Variants in EPRS1 observed in about 807,000 individuals in gnomAD.
EPRS1 encodes the protein glutamyl-prolyl-tRNA synthetase 1.
EPRS1 carries 107 observed loss-of-function variants against 188.3 expected under a neutral mutation model. That is an observed-to-expected ratio of 0.57 (90% CI 0.49 to 0.67). The LOEUF is 0.67. Ranked by LOEUF, EPRS1 falls within the 30% of genes least tolerant of loss-of-function variation. The pLI, the probability that EPRS1 is intolerant of heterozygous loss-of-function variation, is 0.00. For synonymous variants in EPRS1, 596 were observed against 593.1 expected (o/e 1.00, Z -0.07); for missense variants, 1,577 against 1,802.2 (o/e 0.88, Z 2.26).
intron 6 of EPRS1, among the ~76,000 whole-genome samples, 161 bp from the exon 7 acceptor site, chr1:220,025,419 C>A (rs1441630504): frequency 1.5e-5 from 1 of 65,802 alleles, no homozygotes; most frequent in East Asian, 5.2e-4. Context: ...GAAAATCTGA[C>A]CCTGACAGGA....
chr1:219,995,863 T>C (rs908695315), intron 18 of EPRS1, among the ~76,000 whole-genome samples: 2 of 152,156 alleles, frequency 1.3e-5, no homozygotes, highest in Non-Finnish European at 2.9e-5. Flanking sequence ...TACTGAATTC[T>C]CCAGCCTGAG....
rs182399399 is a variant in EPRS1, at chr1:219,982,876, T to C, written c.3301-32A>G. The C allele has an allele frequency of 9.5e-3, 15,030 of 1,588,832 alleles. 107 individuals are homozygous for C. Among genetic ancestry groups the C allele is most frequent in the Non-Finnish European group, 0.01 (11,808 of 1,157,164 alleles). Reference sequence around the variant, plus strand: ...AGAAAAAATCATTTTTCATACTTTTTTTTCAATAGCATTTTGGAGCAACAG... The same window carrying C: ...AGAAAAAATCATTTTTCATACTTTTCTTTCAATAGCATTTTGGAGCAACAG... On this transcript the variant is annotated intron_variant, in intron 22 of 31. Coordinates refer to ENST00000366923, the MANE Select transcript of EPRS1 (RefSeq NM_004446.3).
At chr1:220,018,583 A>T in intron 11 of EPRS1, 75 bp from the exon 12 acceptor site, 6 of 714,266 alleles carry the variant, frequency 8.4e-6, no homozygotes, top group Non-Finnish European at 1.3e-5. Context: ...CATGCTAAGC[A>T]TGTTTAGAAA....
At chr1:220,002,977 T>C (rs1231985879) in intron 16 of EPRS1, among the ~76,000 whole-genome samples, 1 of 152,250 alleles carries the variant, frequency 6.6e-6, no homozygotes, top group Admixed American at 6.5e-5. Flanking sequence ...CATGTTATTT[T>C]TCTTTGGCAA....
chr1:219,985,230 A>G (rs924283968), intron 20 of EPRS1, among the ~76,000 whole-genome samples: 8 of 152,210 alleles, frequency 5.3e-5, no homozygotes, highest in African/African-American at 1.7e-4. Context: ...GCCTGTTCAC[A>G]CCTATTCTCC....
intron 1 of EPRS1, among the ~76,000 whole-genome samples, chr1:220,045,951 A>C (rs1282860466): frequency 6.6e-6 from 1 of 152,232 alleles, no homozygotes; most frequent in African/African-American, 2.4e-5. Flanking sequence ...AAAAATGCTA[A>C]AAGAGAAGCG....
intron 18 of EPRS1, among the ~76,000 whole-genome samples, chr1:219,994,636 T>A (rs1039917485): frequency 2.4e-5 from 3 of 125,732 alleles, no homozygotes; most frequent in African/African-American, 9.5e-5. Context: ...CGTGGTAACT[T>A]CTTCTTTTTT....
intron 30 of EPRS1, 98 bp from the exon 31 acceptor site, chr1:219,969,220 A>T: frequency 1.2e-6 from 1 of 859,910 alleles, no homozygotes; most frequent in Non-Finnish European, 1.9e-6. Context: ...GCAAGCAAAA[A>T]GGATAGGTCT....
rs1662124750 is a variant in EPRS1, at chr1:220,033,603, G to A, written c.287C>T (p.Thr96Ile). 2 of 1,608,398 alleles carry A rather than the reference G, an allele frequency of 1.2e-6. No homozygotes were observed. Among genetic ancestry groups the A allele is most frequent in the East Asian group, 4.5e-5 (2 of 44,784 alleles). Residue 96 changes from threonine to isoleucine, a missense_variant, in exon 4 of 32, where the codon ACT (threonine) becomes ATT (isoleucine). Coordinates refer to ENST00000366923, the MANE Select transcript of EPRS1 (RefSeq NM_004446.3). ...ATKLSSCDSFTSTINELNHCL... is the reference protein window; with the variant it reads ...ATKLSSCDSFISTINELNHCL... Reference sequence around the variant, plus strand: ...ATGATTGAGTTCATTAATTGTAGAAGTAAAGGAATCACATGAAGATAATTT... The same window carrying A: ...ATGATTGAGTTCATTAATTGTAGAAATAAAGGAATCACATGAAGATAATTT...
At position 220,019,093 on chromosome 1, in the gene EPRS1, A is replaced by C. The variant is rs1661804016; in HGVS notation, c.1350-14T>G. 3.2e-6 allele frequency: 5 copies of C among 1,555,456 alleles called. No individual in the cohort carries two copies. In the East Asian group the frequency reaches 1.1e-4, roughly 35 times the overall value. ...CTTGGGTCATCCCTGGAAATATGTAAATTTTAAGTACCAAGGAAATTTTGT... is the reference window on the plus strand; with the variant it reads ...CTTGGGTCATCCCTGGAAATATGTACATTTTAAGTACCAAGGAAATTTTGT... On this transcript the variant is annotated splice_polypyrimidine_tract_variant and intron_variant, in intron 10 of 31. Coordinates refer to ENST00000366923, the MANE Select transcript of EPRS1 (RefSeq NM_004446.3).
intron 16 of EPRS1, among the ~76,000 whole-genome samples, chr1:220,004,727 G>A (rs1392086822): frequency 2.0e-5 from 3 of 151,716 alleles, no homozygotes; most frequent in Non-Finnish European, 4.4e-5. Flanking sequence ...TGACTACACA[G>A]TTACAGAGAT....
At chr1:220,010,531 G>T (rs1201025052) in intron 13 of EPRS1, among the ~76,000 whole-genome samples, 1 of 152,130 alleles carries the variant, frequency 6.6e-6, no homozygotes, top group Non-Finnish European at 1.5e-5. Flanking sequence ...AATCATCTCA[G>T]CCTGGCGCAG....
chr1:220,033,879 C>CTTT (rs56389209), intron 3 of EPRS1, among the ~76,000 whole-genome samples: 10 of 144,708 alleles, frequency 6.9e-5, no homozygotes, highest in Non-Finnish European at 1.2e-4. Context: ...ATGCTTTCTG[C>CTTT]TTTTTTTTTT....
At position 219,968,817 on chromosome 1, in the gene EPRS1, G is replaced by T; in HGVS notation, c.4528C>A (p.Arg1510Ser). 1.2e-6 allele frequency: 2 copies of T among 1,614,042 alleles called. No individual in the cohort carries two copies. Among genetic ancestry groups the T allele is most frequent in the South Asian group, 2.2e-5 (2 of 91,042 alleles). ...CTTTCGTTCATCCCTCAGTAGCTGC[G>T]ACCAAATAAGGTGTAGTACTTGGCA... ...NPAKYYTLFG[R>S]SY The change falls in exon 32 of 32, where the codon CGC (arginine) becomes AGC (serine). Residue 1510 changes from arginine (R) to serine (S), a missense_variant. Physicochemically the swap from Arg to Ser is moderately radical, Grantham distance 110 (BLOSUM62 -1). Coordinates refer to ENST00000366923, the MANE Select transcript of EPRS1 (RefSeq NM_004446.3).
chr1:220,046,472 A>ACGTGTG lies in EPRS1; in HGVS notation c.-90_-85dup, dbSNP rs1048687430. The ACGTGTG allele has an allele frequency of 3.4e-5, 54 of 1,572,438 alleles. No homozygotes were observed. Among genetic ancestry groups the ACGTGTG allele is most frequent in the Non-Finnish European group, 4.3e-5 (50 of 1,160,676 alleles). ...GACCCCGCGAAAGGAAGAAGATGCA[A>ACGTGTG]CGTGTGCGCGTACCCGACGCCGCCG... is the stretch of plus-strand genomic sequence containing the variant. On this transcript the variant is annotated 5_prime_UTR_variant, in exon 1 of 32. Coordinates refer to ENST00000366923, the MANE Select transcript of EPRS1 (RefSeq NM_004446.3).
chr1:220,005,721 C>A (rs144303828), intron 15 of EPRS1, among the ~76,000 whole-genome samples: 1 of 152,022 alleles, frequency 6.6e-6, no homozygotes, highest in East Asian at 1.9e-4. Flanking sequence ...GATTTGAATC[C>A]CAACTCTACT....
chr1:219,974,727 T>G (rs1359982577), intron 28 of EPRS1, among the ~76,000 whole-genome samples: 1 of 152,206 alleles, frequency 6.6e-6, no homozygotes, highest in African/African-American at 2.4e-5. Context: ...ATTACATTAT[T>G]TTATTGCTTT....
intron 2 of EPRS1, among the ~76,000 whole-genome samples, chr1:220,036,503 TA>T (rs1172985325): frequency 0.059 from 8,114 of 137,856 alleles, 509 homozygotes; most frequent in African/African-American, 0.17. Context: ...TATGCAGCCA[TA>T]AAAAAAAAAA....
chr1:220,004,564 G>A (rs185837901), intron 16 of EPRS1, among the ~76,000 whole-genome samples: 58 of 152,132 alleles, frequency 3.8e-4, no homozygotes, highest in Non-Finnish European at 6.2e-4. Flanking sequence ...AGAGTTTGCT[G>A]AGTGAAAAAA....
Sources: gnomAD v4.1 joint callset for allele counts (sites outside exome capture counted in the v4.1 genomes callset) on GRCh38, gnomAD v4.1.1 for gene constraint, MANE v1.5 for transcripts, NCBI Gene and HGNC (gene_info 2026-07-23, HGNC 2026-07-21) for gene names.